The following LOC400499 variants were observed in gnomAD, a reference collection of about 807,000 sequenced individuals.
At chr16:11,475,744 C>T in the LOC400499 span, 23 of 398,668 alleles carry the variant, frequency 5.8e-5, no homozygotes, top group East Asian at 7.8e-4. Flanking sequence ...CAGTGTCAGA[C>T]GCATCATTTT....
the LOC400499 span, among the ~76,000 whole-genome samples, chr16:11,393,192 C>T: frequency 6.8e-6 from 1 of 146,928 alleles, no homozygotes; most frequent in African/African-American, 2.5e-5. Context: ...CGGGGTCTCA[C>T]TATGTTGCCC....
chr16:11,421,886 T>C, the LOC400499 span, among the ~76,000 whole-genome samples: 5 of 152,218 alleles, frequency 3.3e-5, no homozygotes, highest in East Asian at 1.9e-4. Context: ...TGAACGACCA[T>C]AGCATCCCCG....
the LOC400499 span, chr16:11,390,602 G>A: frequency 3.1e-6 from 2 of 636,336 alleles, no homozygotes; most frequent in Non-Finnish European, 4.5e-6. Flanking sequence ...CTGGAACAGA[G>A]CAGTGGCACT....
the LOC400499 span, chr16:11,396,664 G>A: frequency 4.5e-5 from 55 of 1,231,894 alleles, no homozygotes; most frequent in Non-Finnish European, 5.6e-5. Flanking sequence ...GCTCCCCGAC[G>A]ACCAAGAGGG....
the LOC400499 span, among the ~76,000 whole-genome samples, chr16:11,478,924 G>A: frequency 6.6e-6 from 1 of 152,300 alleles, no homozygotes; most frequent in East Asian, 1.9e-4. Flanking sequence ...CTCTGCACAA[G>A]CTCTTTCTTT....
At chr16:11,522,898 G>T in the LOC400499 span, among the ~76,000 whole-genome samples, 1 of 152,184 alleles carries the variant, frequency 6.6e-6, no homozygotes, top group African/African-American at 2.4e-5. Flanking sequence ...AGAGAGGTCT[G>T]TAATTATCCA....
chr16:11,432,903 C>T, the LOC400499 span, among the ~76,000 whole-genome samples: 34 of 152,346 alleles, frequency 2.2e-4, no homozygotes, highest in African/African-American at 7.5e-4. Flanking sequence ...GAACTCATGG[C>T]ATGAATTTTG....
the LOC400499 span, among the ~76,000 whole-genome samples, chr16:11,375,136 C>T: frequency 6.9e-6 from 1 of 145,940 alleles, no homozygotes; most frequent in East Asian, 1.9e-4. Context: ...GTGTGAGCCA[C>T]TGCACCTGAC....
chr16:11,391,079 A>T, the LOC400499 span, among the ~76,000 whole-genome samples: 1 of 152,214 alleles, frequency 6.6e-6, no homozygotes, highest in Non-Finnish European at 1.5e-5. Flanking sequence ...ATTCCTCCTG[A>T]TTCACTGCCC....
chr16:11,407,710 G>A, the LOC400499 span, among the ~76,000 whole-genome samples: 1 of 152,178 alleles, frequency 6.6e-6, no homozygotes, highest in Admixed American at 6.6e-5. Flanking sequence ...AAACACAACA[G>A]AACTCCAAGT....
chr16:11,383,972 G>C, the LOC400499 span: 2 of 1,231,738 alleles, frequency 1.6e-6, no homozygotes, highest in African/African-American at 1.6e-5. Context: ...GCCTGCTCCT[G>C]CTGAGGCTTC....
the LOC400499 span, among the ~76,000 whole-genome samples, chr16:11,422,032 T>A: frequency 2.6e-5 from 4 of 152,214 alleles, no homozygotes; most frequent in Admixed American, 6.5e-5. Context: ...CAGTGACACA[T>A]TTCAGTTCTC....
chr16:11,487,430 G>A, the LOC400499 span: 1 of 398,668 alleles, frequency 2.5e-6, no homozygotes, highest in Non-Finnish European at 4.4e-6. Context: ...TACACTCACA[G>A]AGTGGGGTCT....
At chr16:11,498,350 G>A in the LOC400499 span, among the ~76,000 whole-genome samples, 2 of 152,032 alleles carry the variant, frequency 1.3e-5, no homozygotes, top group African/African-American at 2.4e-5. Flanking sequence ...GGGCCTGGTG[G>A]TGTGCATCAT....
the LOC400499 span, among the ~76,000 whole-genome samples, chr16:11,421,830 T>C: frequency 6.6e-6 from 1 of 152,152 alleles, no homozygotes; most frequent in Non-Finnish European, 1.5e-5. Flanking sequence ...CACTGGGGTG[T>C]TGAAAAGTTC....
chr16:11,513,540 C>T, the LOC400499 span, among the ~76,000 whole-genome samples: 1 of 152,152 alleles, frequency 6.6e-6, no homozygotes, highest in African/African-American at 2.4e-5. Context: ...AAACGATTCT[C>T]CGGCTTCAGC....
chr16:11,396,488 T>C, the LOC400499 span: 1 of 1,232,114 alleles, frequency 8.1e-7, no homozygotes. Flanking sequence ...CCAGGGACTG[T>C]CAGCCCCATC....
the LOC400499 span, chr16:11,412,994 G>A: frequency 2.5e-6 from 1 of 399,170 alleles, no homozygotes; most frequent in Non-Finnish European, 4.4e-6. Flanking sequence ...GGTGTACATA[G>A]CCTGAGGAGC....
the LOC400499 span, among the ~76,000 whole-genome samples, chr16:11,377,977 C>A: frequency 4.7e-3 from 716 of 152,306 alleles, 4 homozygotes; most frequent in Middle Eastern, 0.014. Flanking sequence ...AGTTACAGGT[C>A]TGTTTTTTCC....
Sources: gnomAD v4.1 joint callset for allele counts (sites outside exome capture counted in the v4.1 genomes callset) on GRCh38, gnomAD v4.1.1 for gene constraint, MANE v1.5 for transcripts.